Variants in CYP2C18 observed in about 807,000 individuals in gnomAD.
The protein encoded by CYP2C18 is cytochrome P450 2C18.
A neutral mutation model predicts 41.3 loss-of-function variants in CYP2C18; 38 were observed. That is an observed-to-expected ratio of 0.92 (90% CI 0.71 to 1.21). The LOEUF (loss-of-function observed/expected upper bound fraction) is 1.21, where lower values mean the gene tolerates loss of function less well. CYP2C18 is among the 50% of genes most tolerant of loss of function. CYP2C18 has a pLI of 0.00. For missense variants in CYP2C18, 635 were observed against 591.4 expected (o/e 1.07, Z -0.77); for synonymous variants, 236 against 210.0 (o/e 1.12, Z -1.07).
chr10:94,703,123 G>T (rs530859016), intron 4 of CYP2C18, among the ~76,000 whole-genome samples: 93 of 152,294 alleles, frequency 6.1e-4, no homozygotes, highest in Non-Finnish European at 1.5e-5. Context: ...TCCTGGTGGG[G>T]CACCAGCCAG....
chr10:94,684,528 AT>A (rs570974995), intron 1 of CYP2C18, among the ~76,000 whole-genome samples: 1 of 152,088 alleles, frequency 6.6e-6, no homozygotes, highest in East Asian at 1.9e-4. Flanking sequence ...AAATAAGAAT[AT>A]TTTTTCCTCT....
chr10:94,735,185 A>G (rs748976142), intron 8 of CYP2C18, 78 bp from the exon 9 acceptor site: 160 of 1,397,714 alleles, frequency 1.1e-4, no homozygotes, highest in Non-Finnish European at 1.5e-4. Flanking sequence ...TCATTTATCA[A>G]ATAGTTACTG....
intron 5 of CYP2C18, among the ~76,000 whole-genome samples, chr10:94,715,651 G>A (rs977037751): frequency 3.5e-4 from 53 of 152,074 alleles, no homozygotes; most frequent in African/African-American, 1.3e-3. Flanking sequence ...CTCTTTTTCT[G>A]TTGTGTCTCT....
chr10:94,720,425 T>G lies in CYP2C18; in HGVS notation c.849T>G (p.Thr283=). 1 of 1,612,334 alleles carries G rather than the reference T, an allele frequency of 6.2e-7. No individual in the cohort carries two copies. The stretch of plus-strand genomic sequence containing the variant: ...AGCACAATCAACAGTCTGAATTTAC[T>G]GTTGAAAGCTTGATAGCCACTGTAA... ...QEKHNQQSEF[T]VESLIATVTD... is the part of the protein sequence containing the mutation. The change falls in exon 6 of 9, where the codon ACT becomes ACG. Residue 283 remains threonine (T), a synonymous_variant. Coordinates refer to ENST00000285979, the MANE Select transcript of CYP2C18 (RefSeq NM_000772.3).
At chr10:94,724,756 G>A (rs1847709531) in intron 7 of CYP2C18, among the ~76,000 whole-genome samples, 1 of 136,186 alleles carries the variant, frequency 7.3e-6, no homozygotes, top group Non-Finnish European at 1.6e-5. Flanking sequence ...TGCTTCTTTA[G>A]TATTTTTTTT....
intron 7 of CYP2C18, among the ~76,000 whole-genome samples, chr10:94,731,665 A>C (rs1296482364): frequency 6.6e-6 from 1 of 152,216 alleles, no homozygotes; most frequent in Non-Finnish European, 1.5e-5. Context: ...ATAAAGCAGC[A>C]TACCTACAGC....
At chr10:94,728,316 G>C (rs1005748089) in intron 7 of CYP2C18, among the ~76,000 whole-genome samples, 2 of 151,956 alleles carry the variant, frequency 1.3e-5, no homozygotes, top group African/African-American at 2.4e-5. Context: ...TCATATGTGC[G>C]GTCCACATTT....
At chr10:94,684,761 T>C (rs1199381146) in intron 1 of CYP2C18, among the ~76,000 whole-genome samples, 1 of 152,136 alleles carries the variant, frequency 6.6e-6, no homozygotes, top group Non-Finnish European at 1.5e-5. Flanking sequence ...TTTGTTTTTT[T>C]TAGGAACATC....
Position 94,720,417 on chromosome 10 carries a change from G to A in CYP2C18, c.841G>A (p.Glu281Lys). ...MEQEKHNQQS[E>K]FTVESLIATV... ...TTAGGAAAAGCACAATCAACAGTCT[G>A]AATTTACTGTTGAAAGCTTGATAGC... The change falls in exon 6 of 9, where the codon GAA (glutamate) becomes AAA (lysine). Residue 281 changes from glutamate (E) to lysine (K), a missense_variant. Transcript: ENST00000285979. 6.2e-7 allele frequency: 1 copy of A among 1,611,224 alleles called. No homozygotes were observed. The highest frequency in any genetic ancestry group is 8.5e-7 in the Non-Finnish European group (1 of 1,178,736).
chr10:94,712,009 T>A (rs1234689173), intron 5 of CYP2C18, among the ~76,000 whole-genome samples: 1 of 43,892 alleles, frequency 2.3e-5, no homozygotes, highest in Non-Finnish European at 5.2e-5. Flanking sequence ...GCCCAACTAA[T>A]TTTTTTTTTT....
intron 5 of CYP2C18, among the ~76,000 whole-genome samples, chr10:94,717,849 C>T (rs1200516773): frequency 6.6e-6 from 1 of 152,030 alleles, no homozygotes; most frequent in Non-Finnish European, 1.5e-5. Context: ...GTTTTAATTA[C>T]TATTAATTTG....
chr10:94,709,871 T>A (rs1276744375), intron 5 of CYP2C18, among the ~76,000 whole-genome samples: 1 of 152,198 alleles, frequency 6.6e-6, no homozygotes, highest in Non-Finnish European at 1.5e-5. Flanking sequence ...CCCCATTGAG[T>A]GATCGTGGTA....
chr10:94,730,630 T>C (rs1054975749), intron 7 of CYP2C18, among the ~76,000 whole-genome samples: 3 of 152,150 alleles, frequency 2.0e-5, no homozygotes, highest in Admixed American at 6.5e-5. Flanking sequence ...AGACCAGGTA[T>C]GTTTAGAGGC....
intron 5 of CYP2C18, among the ~76,000 whole-genome samples, chr10:94,712,816 A>T (rs1847462518): frequency 1.3e-5 from 2 of 152,210 alleles, no homozygotes; most frequent in Non-Finnish European, 2.9e-5. Context: ...ACAGTACACA[A>T]GTGTTCCCCT....
In CYP2C18 at chr10:94,733,415, A is replaced by G; in HGVS notation, c.1268A>G (p.Asp423Gly). The G allele has an allele frequency of 6.2e-7, 1 of 1,613,320 alleles. No individual in the cohort carries two copies. Among genetic ancestry groups the G allele is most frequent in the Non-Finnish European group, 8.5e-7 (1 of 1,179,516 alleles). ...LDKSGNFKKSDYFMPFSAGKR... is the reference protein window; with the variant it reads ...LDKSGNFKKSGYFMPFSAGKR... ...AAGAGTGGCAACTTTAAGAAAAGTG[A>G]CTACTTCATGCCTTTCTCAGCAGGT... is the stretch of plus-strand genomic sequence containing the variant. Residue 423 changes from aspartate (D) to glycine (G), a missense_variant, in exon 8 of 9, where the codon GAC becomes GGC. By Grantham distance (94) the Asp-to-Gly change is moderately conservative (BLOSUM62 -1). Coordinates refer to ENST00000285979, the MANE Select transcript of CYP2C18 (RefSeq NM_000772.3).
intron 5 of CYP2C18, among the ~76,000 whole-genome samples, chr10:94,710,688 G>T (rs1247188993): frequency 6.6e-6 from 1 of 152,108 alleles, no homozygotes; most frequent in East Asian, 1.9e-4. Flanking sequence ...CCTGGCTTTG[G>T]TGTAATTTTG....
At chr10:94,716,731 A>G (rs1449242871) in intron 5 of CYP2C18, among the ~76,000 whole-genome samples, 3 of 152,120 alleles carry the variant, frequency 2.0e-5, no homozygotes, top group African/African-American at 7.2e-5. Flanking sequence ...ATTCCTGGAT[A>G]TCCTTGTTAA....
chr10:94,693,512 T>G (rs959701755), intron 3 of CYP2C18, among the ~76,000 whole-genome samples: 7 of 152,190 alleles, frequency 4.6e-5, no homozygotes, highest in African/African-American at 1.7e-4. Context: ...CTTCCCCACA[T>G]GAAGTGAAAG....
chr10:94,716,240 G>A (rs904422267), intron 5 of CYP2C18, among the ~76,000 whole-genome samples: 6 of 152,050 alleles, frequency 3.9e-5, no homozygotes, highest in African/African-American at 1.4e-4. Context: ...GAATGGGTTT[G>A]CTCTTGCTTC....
Sources: allele counts gnomAD v4.1 joint callset (sites outside exome capture counted in the v4.1 genomes callset), GRCh38; gene constraint gnomAD v4.1.1; transcripts MANE v1.5; gene names NCBI Gene and HGNC (gene_info 2026-07-23, HGNC 2026-07-21).